NKTR: variants seen among roughly 807,000 people sequenced by gnomAD.
NKTR encodes NK-tumor recognition protein.
In NKTR, 67 loss-of-function variants were observed where a neutral mutation model predicts 156.3. The ratio of observed to expected loss-of-function variants is 0.43; its 90% CI spans 0.35 to 0.53. The LOEUF (loss-of-function observed/expected upper bound fraction) is 0.53. Among genes scored for constraint, NKTR ranks in the 20% least tolerant of loss-of-function variants. The pLI is 0.01. For synonymous variants in NKTR, 640 were observed against 596.6 expected (o/e 1.07, Z -1.06); for missense variants, 1,604 against 1,730.9 (o/e 0.93, Z 1.30).
chr3:42,613,543 A>G (rs528661557), intron 2 of NKTR, among the ~76,000 whole-genome samples: 1 of 152,110 alleles, frequency 6.6e-6, no homozygotes, highest in East Asian at 1.9e-4. Context: ...CACTTTTCCA[A>G]CTACCATATC....
At position 42,637,928 on chromosome 3, in the gene NKTR, T is replaced by C. The variant is rs776803735; in HGVS notation, c.2224T>C (p.Ser742Pro). ...TGATCATTCACAGTGTAGTAGATCA[T>C]CTTCATATACTTCTATTAGCAGTGA... The part of the protein sequence containing the change: ...YSDHSQCSRS[S>P]SYTSISSDDG... The change falls in exon 13 of 17, where the codon TCT becomes CCT. Residue 742 changes from serine to proline, a missense_variant. Coordinates refer to ENST00000232978, the MANE Select transcript of NKTR (RefSeq NM_005385.4). The C allele has an allele frequency of 2.5e-6, 4 of 1,614,016 alleles. No individual in the cohort carries two copies. The highest frequency in any genetic ancestry group is 1.7e-6 in the Non-Finnish European group (2 of 1,179,884).
intron 5 of NKTR, chr3:42,620,065 AC>A: frequency 6.5e-7 from 1 of 1,534,232 alleles, no homozygotes; most frequent in South Asian, 1.2e-5. Flanking sequence ...AAGCTCAGTA[AC>A]ACAAACTCCA....
At chr3:42,613,743 C>G (rs1707071754) in intron 2 of NKTR, among the ~76,000 whole-genome samples, 1 of 152,188 alleles carries the variant, frequency 6.6e-6, no homozygotes, top group Admixed American at 6.5e-5. Flanking sequence ...CTTTTCCTGT[C>G]TGTAGTCAAA....
Position 42,638,226 on chromosome 3 carries a change from A to G in NKTR, c.2522A>G (p.Asn841Ser), listed in dbSNP as rs34368189. Residue 841 changes from asparagine (N) to serine (S), a missense_variant, in exon 13 of 17, where the codon AAC becomes AGC. By Grantham distance (46) the Asn-to-Ser change is conservative. Transcript: ENST00000232978. Reference sequence around the variant, plus strand: ...AGAACACATAATAAACAAGAAAAAAACAGAGGTGAAGAAAAATCCAAGTCT... The same window carrying G: ...AGAACACATAATAAACAAGAAAAAAGCAGAGGTGAAGAAAAATCCAAGTCT... ...MERTHNKQEK[N>S]RGEEKSKSER... 716 of 1,613,180 alleles carry G rather than the reference A, an allele frequency of 4.4e-4. 2 individuals are homozygous for G. The highest frequency in any genetic ancestry group is 5.7e-4 in the Non-Finnish European group (676 of 1,179,872).
intron 2 of NKTR, among the ~76,000 whole-genome samples, chr3:42,615,242 C>A (rs1257650295): frequency 6.6e-6 from 1 of 151,978 alleles, no homozygotes; most frequent in Non-Finnish European, 1.5e-5. Flanking sequence ...CCACACCTGG[C>A]TAATTTTTGT....
At chr3:42,626,624 C>T (rs1708415132) in intron 6 of NKTR, among the ~76,000 whole-genome samples, 1 of 152,086 alleles carries the variant, frequency 6.6e-6, no homozygotes, top group Admixed American at 6.6e-5. Flanking sequence ...AGGGTCCGAA[C>T]ATTTGCTCAT....
At chr3:42,608,959 A>C (rs577952126) in intron 2 of NKTR, among the ~76,000 whole-genome samples, 2 of 152,060 alleles carry the variant, frequency 1.3e-5, no homozygotes, top group African/African-American at 2.4e-5. Context: ...AACCCTGACC[A>C]CTAAAAAGAA....
chr3:42,632,628 C>T lies in NKTR; in HGVS notation c.578C>T (p.Thr193Ile), dbSNP rs762509668. 1.2e-6 allele frequency: 2 copies of T among 1,609,324 alleles called. No individual in the cohort carries two copies. Among genetic ancestry groups the T allele is most frequent in the Non-Finnish European group, 1.7e-6 (2 of 1,178,612 alleles). ...DVFEKKRKKP[T>I]HSEGSDSSSN... is the part of the protein sequence containing the mutation. Reference sequence around the variant, plus strand: ...TTTGAGAAAAAAAGGAAGAAACCAACTCATTCAGAAGGCTCGGATTCCTCT... The same window carrying T: ...TTTGAGAAAAAAAGGAAGAAACCAATTCATTCAGAAGGCTCGGATTCCTCT... Residue 193 changes from threonine (T) to isoleucine (I), a missense_variant, in exon 9 of 17, where the codon ACT (threonine) becomes ATT (isoleucine). By Grantham distance (89) the Thr-to-Ile change is moderately conservative. This residue lies in a region of NKTR where 1,255 missense variants were observed against 1,243.7 expected (regional missense o/e 1.01). Transcript: ENST00000232978.
chr3:42,627,604 T>A, intron 6 of NKTR: 3 of 985,310 alleles, frequency 3.0e-6, no homozygotes, highest in Non-Finnish European at 3.6e-6. Flanking sequence ...TTTCTAAGAT[T>A]TATAAGGCTT....
At position 42,637,588 on chromosome 3, in the gene NKTR, C is replaced by G. The variant is rs267599825; in HGVS notation, c.1884C>G (p.Pro628=). ...AGCCTGGACAGAAACCTTGGAAGCC[C>G]TCTTATGAGCGAATTCAGGAAATGA... ...RWKPGQKPWK[P]SYERIQEMKA... The change falls in exon 13 of 17, where the codon CCC becomes CCG. Residue 628 remains proline (P), a synonymous_variant. Transcript: ENST00000232978. 2 of 1,610,406 alleles carry G rather than the reference C, an allele frequency of 1.2e-6. No individual in the cohort carries two copies. The highest frequency in any genetic ancestry group is 1.7e-5 in the Admixed American group (1 of 59,162).
intron 2 of NKTR, among the ~76,000 whole-genome samples, chr3:42,613,010 G>GAGT (rs760086612): frequency 2.5e-4 from 38 of 152,042 alleles, no homozygotes; most frequent in Middle Eastern, 3.4e-3. Flanking sequence ...ATTTTGTTTT[G>GAGT]AGTATTATTA....
chr3:42,604,648 C>G (rs1211585384), intron 2 of NKTR, among the ~76,000 whole-genome samples: 1 of 68,204 alleles, frequency 1.5e-5, no homozygotes, highest in Non-Finnish European at 3.1e-5. Context: ...GTGGATTTAT[C>G]TATTTCTCTC....
chr3:42,636,753 T>TTTAA, intron 12 of NKTR, 115 bp from the exon 13 acceptor site: 1 of 1,402,480 alleles, frequency 7.1e-7, no homozygotes, highest in South Asian at 1.9e-5. Context: ...TCACGCTTCC[T>TTTAA]GCGTGTGCTT....
chr3:42,631,439 C>A, intron 8 of NKTR, 123 bp downstream of exon 8: 1 of 1,087,278 alleles, frequency 9.2e-7, no homozygotes, highest in Non-Finnish European at 1.3e-6. Flanking sequence ...CTGAATCATA[C>A]CCTACATGTT....
intron 2 of NKTR, chr3:42,602,431 CTGTACT>C (rs746730505): frequency 1.3e-5 from 2 of 152,150 alleles, no homozygotes; most frequent in African/African-American, 2.4e-5. Flanking sequence ...CAATGGAGGA[CTGTACT>C]TGCATGTTTG....
chr3:42,612,094 C>T (rs1379889744), intron 2 of NKTR, among the ~76,000 whole-genome samples: 1 of 152,184 alleles, frequency 6.6e-6, no homozygotes, highest in Non-Finnish European at 1.5e-5. Context: ...GAGCGAGACT[C>T]TGTCTCTTAA....
chr3:42,626,013 T>C (rs1708347632), intron 6 of NKTR, among the ~76,000 whole-genome samples: 1 of 152,144 alleles, frequency 6.6e-6, no homozygotes, highest in Non-Finnish European at 1.5e-5. Flanking sequence ...ATTACCCTTA[T>C]ACAAGTGTTG....
chr3:42,623,103 T>A (rs977217520), intron 6 of NKTR, among the ~76,000 whole-genome samples: 4 of 152,062 alleles, frequency 2.6e-5, no homozygotes, highest in South Asian at 2.1e-4. Flanking sequence ...CAAAAACATC[T>A]TATTTTTATT....
rs1709976035 is a variant in NKTR, at chr3:42,642,517, A to G, written c.4063A>G (p.Arg1355Gly). The G allele has an allele frequency of 6.2e-7, 1 of 1,613,394 alleles. No homozygotes were observed. The highest frequency in any genetic ancestry group is 1.3e-5 in the African/African-American group (1 of 75,034). The change falls in exon 14 of 17, where the codon AGA becomes GGA. Residue 1355 changes from arginine to glycine, a missense_variant. Coordinates refer to ENST00000232978, the MANE Select transcript of NKTR (RefSeq NM_005385.4). ...TAATTGTAGATCAAGAAGCTACTCTAGAAGTCGGAGCAGAGGATGGTACAG... is the reference window on the plus strand; with the variant it reads ...TAATTGTAGATCAAGAAGCTACTCTGGAAGTCGGAGCAGAGGATGGTACAG... ...TSSYRSRSYS[R>G]SRSRGWYSRG...
Sources: allele counts gnomAD v4.1 joint callset (sites outside exome capture counted in the v4.1 genomes callset), GRCh38; gene constraint gnomAD v4.1.1; regional missense constraint gnomAD v4.1.1; transcripts MANE v1.5; gene names NCBI Gene and HGNC (gene_info 2026-07-23, HGNC 2026-07-21).